RBFOX1: variants seen among roughly 807,000 people sequenced by gnomAD.
The protein encoded by RBFOX1 is RNA binding fox-1 homolog 1, also known as RNA binding protein fox-1 homolog 1.
In RBFOX1, 8 loss-of-function variants were observed where a neutral mutation model predicts 57.7. That is an observed-to-expected ratio of 0.14 (90% CI 0.08 to 0.25). The LOEUF is 0.25. Ranked by LOEUF, RBFOX1 falls within the 10% of genes least tolerant of loss-of-function variation. RBFOX1 has a pLI of 1.00. For missense variants in RBFOX1, 611 were observed against 548.5 expected (o/e 1.11, Z -1.14); for synonymous variants, 326 against 222.4 (o/e 1.47, Z -4.15).
chr16:7,637,626 C>T (rs918445195), intron 11 of RBFOX1, among the ~76,000 whole-genome samples: 6 of 152,140 alleles, frequency 3.9e-5, no homozygotes, highest in Non-Finnish European at 8.8e-5. Context: ...GGGCTGGACT[C>T]AGTTACTAGA....
At chr16:7,082,246 C>T (rs188744082) in intron 4 of RBFOX1, among the ~76,000 whole-genome samples, 1 of 152,080 alleles carries the variant, frequency 6.6e-6, no homozygotes, top group Non-Finnish European at 1.5e-5. Context: ...TTCAGTTGTA[C>T]AGAATACATT....
At chr16:5,642,252 T>C (rs767500836) in intron 3 of RBFOX1, among the ~76,000 whole-genome samples, 9 of 152,244 alleles carry the variant, frequency 5.9e-5, no homozygotes, top group Non-Finnish European at 1.3e-4. Flanking sequence ...GGTTTATTTG[T>C]GTAGCTGCTC....
At chr16:6,287,533 T>C (rs1158977582) in intron 1 of RBFOX1, among the ~76,000 whole-genome samples, 1 of 152,206 alleles carries the variant, frequency 6.6e-6, no homozygotes. Context: ...GAGGCTCATC[T>C]AGCATCATTC....
chr16:5,986,598 T>C (rs1251793067), intron 4 of RBFOX1, among the ~76,000 whole-genome samples: 5 of 152,356 alleles, frequency 3.3e-5, no homozygotes, highest in Non-Finnish European at 4.4e-5. Context: ...TCTAAAATGT[T>C]GTCATTCCTA....
chr16:6,693,711 C>T (rs1392700652), intron 3 of RBFOX1, among the ~76,000 whole-genome samples: 1 of 150,806 alleles, frequency 6.6e-6, no homozygotes, highest in Non-Finnish European at 1.5e-5. Flanking sequence ...CATCCTCCTC[C>T]ACTACCATCA....
chr16:7,186,994 C>CAAAAAAAAAAAAAA (rs35177784), intron 4 of RBFOX1, among the ~76,000 whole-genome samples: 7 of 69,290 alleles, frequency 1.0e-4, no homozygotes, highest in African/African-American at 4.5e-4. Context: ...CCCACCTCCA[C>CAAAAAAAAAAAAAA]AAAAAAAAAA....
At chr16:6,575,092 C>T (rs904027162) in intron 2 of RBFOX1, among the ~76,000 whole-genome samples, 1 of 150,646 alleles carries the variant, frequency 6.6e-6, no homozygotes, top group African/African-American at 2.5e-5. Flanking sequence ...CGTGTAGTTG[C>T]TTTGAGACAT....
chr16:7,219,961 A>C (rs1386209759), intron 4 of RBFOX1, among the ~76,000 whole-genome samples: 2 of 152,224 alleles, frequency 1.3e-5, no homozygotes, highest in South Asian at 4.1e-4. Context: ...TCTGAATTCA[A>C]ACCAATTGAA....
At chr16:6,542,154 G>A (rs1334593110) in intron 2 of RBFOX1, among the ~76,000 whole-genome samples, 2 of 151,914 alleles carry the variant, frequency 1.3e-5, no homozygotes, top group Non-Finnish European at 2.9e-5. Flanking sequence ...TCAAACTCCT[G>A]GCCTCAAGTG....
chr16:6,622,896 A>G (rs2154045569), intron 2 of RBFOX1, among the ~76,000 whole-genome samples: 1 of 152,346 alleles, frequency 6.6e-6, no homozygotes, highest in Admixed American at 6.5e-5. Context: ...AAGTTGGGCA[A>G]CATAATGCCC....
intron 4 of RBFOX1, among the ~76,000 whole-genome samples, chr16:7,415,150 A>G (rs2098466104): frequency 1.3e-5 from 2 of 152,270 alleles, no homozygotes; most frequent in Admixed American, 1.3e-4. Flanking sequence ...CATTTTCTGT[A>G]TTTATTATAT....
intron 3 of RBFOX1, among the ~76,000 whole-genome samples, chr16:6,943,572 G>A (rs898645753): frequency 2.0e-5 from 3 of 152,106 alleles, no homozygotes; most frequent in Non-Finnish European, 4.4e-5. Flanking sequence ...GCCAGGCGCG[G>A]TGGCGGGTGC....
intron 4 of RBFOX1, among the ~76,000 whole-genome samples, chr16:7,207,387 G>A (rs1335148082): frequency 4.6e-5 from 7 of 151,878 alleles, no homozygotes; most frequent in Non-Finnish European, 8.8e-5. Context: ...TTCTCTCTCC[G>A]TTAGGTTCAC....
At chr16:5,649,310 C>T (rs1290778264) in intron 3 of RBFOX1, among the ~76,000 whole-genome samples, 1 of 151,982 alleles carries the variant, frequency 6.6e-6, no homozygotes, top group African/African-American at 2.4e-5. Context: ...CTGGGAACTA[C>T]AGGCATGCGC....
At chr16:7,598,242 C>G (rs2094811625) in intron 9 of RBFOX1, among the ~76,000 whole-genome samples, 1 of 151,752 alleles carries the variant, frequency 6.6e-6, no homozygotes, top group Non-Finnish European at 1.5e-5. Context: ...AATATTATAC[C>G]CATTAAAATG....
intron 3 of RBFOX1, among the ~76,000 whole-genome samples, chr16:5,655,431 A>G (rs180864531): frequency 6.6e-6 from 1 of 152,226 alleles, no homozygotes; most frequent in South Asian, 2.1e-4. Flanking sequence ...GAGGCTTTTC[A>G]TGAGCATATC....
At chr16:6,843,272 C>G (rs774617432) in intron 3 of RBFOX1, among the ~76,000 whole-genome samples, 2 of 151,868 alleles carry the variant, frequency 1.3e-5, no homozygotes, top group African/African-American at 2.4e-5. Context: ...ATCAAGTTAG[C>G]CAAGGAAGGA....
At chr16:5,339,470 G>GTTTTTTTTTTTTTTTTTTTCTTTTTTTTT (rs2064983328) in intron 1 of RBFOX1, among the ~76,000 whole-genome samples, 1 of 40,854 alleles carries the variant, frequency 2.4e-5, no homozygotes, top group Non-Finnish European at 4.5e-5. Flanking sequence ...CTTTTTCCGT[G>GTTTTTTTTTTTTTTTTTTTCTTTTTTTTT]TTTTTTTTTT....
chr16:7,389,600 A>G (rs540960922), intron 4 of RBFOX1, among the ~76,000 whole-genome samples: 3 of 152,308 alleles, frequency 2.0e-5, no homozygotes, highest in South Asian at 4.1e-4. Context: ...GTAAGGCAAA[A>G]CACTACCTAA....
Sources: allele counts gnomAD v4.1 joint callset (sites outside exome capture counted in the v4.1 genomes callset), GRCh38; gene constraint gnomAD v4.1.1; transcripts MANE v1.5; gene names NCBI Gene and HGNC (gene_info 2026-07-23, HGNC 2026-07-21).